MAGI2: variants seen among roughly 807,000 people sequenced by gnomAD.
MAGI2 encodes the protein membrane-associated guanylate kinase, WW and PDZ domain-containing protein 2.
A neutral mutation model predicts 133.3 loss-of-function variants in MAGI2; 35 were observed. The ratio of observed to expected loss-of-function variants is 0.26; its 90% CI spans 0.20 to 0.35. MAGI2 has a LOEUF of 0.35. Ranked by LOEUF, MAGI2 falls within the 10% of genes least tolerant of loss-of-function variation. The pLI, the probability that MAGI2 is intolerant of heterozygous loss-of-function variation, is 1.00. For missense variants in MAGI2, 1,636 were observed against 1,863.4 expected (o/e 0.88, Z 2.25); for synonymous variants, 729 against 710.6 (o/e 1.03, Z -0.41).
chr7:78,119,577 A>G (rs1271608555), intron 20 of MAGI2, among the ~76,000 whole-genome samples: 2 of 151,344 alleles, frequency 1.3e-5, no homozygotes, highest in East Asian at 1.9e-4. Context: ...AAAAAAAAAA[A>G]AAAAAAGAAT....
chr7:78,763,400 G>A lies in MAGI2; in HGVS notation c.419-136161C>T, dbSNP rs142516935. On this transcript the variant is annotated intron_variant, in intron 2 of 21. Coordinates refer to ENST00000354212, the MANE Select transcript of MAGI2 (RefSeq NM_012301.4). ...CTAGCCAATCCCAGCTTCTTTTCAC[G>A]TTTTCACTTTTGAAATAAAATAGGG... 2.9e-3 allele frequency among the ~76,000 whole-genome samples: 439 copies of A among 152,108 alleles called. 1 individual carries two copies. The highest frequency in any genetic ancestry group is 4.6e-3 in the Non-Finnish European group (313 of 67,970).
intron 1 of MAGI2, among the ~76,000 whole-genome samples, chr7:79,449,877 C>CAT (rs59881896): frequency 0.057 from 6,880 of 120,584 alleles, 292 homozygotes; most frequent in Middle Eastern, 0.08. Context: ...GAGATATATA[C>CAT]ATATATATAT....
chr7:78,925,726 C>T (rs1011614105), intron 2 of MAGI2, among the ~76,000 whole-genome samples: 3 of 151,762 alleles, frequency 2.0e-5, no homozygotes, highest in Non-Finnish European at 2.9e-5. Context: ...TTTTACCTTG[C>T]AAAATGTATT....
At chr7:78,365,903 A>G (rs1176012702) in intron 7 of MAGI2, among the ~76,000 whole-genome samples, 1 of 152,196 alleles carries the variant, frequency 6.6e-6, no homozygotes, top group Non-Finnish European at 1.5e-5. Context: ...TAGAGACATT[A>G]CACTGATTTC....
intron 1 of MAGI2, among the ~76,000 whole-genome samples, chr7:79,320,004 T>A (rs1839045458): frequency 6.6e-6 from 1 of 152,166 alleles, no homozygotes; most frequent in Non-Finnish European, 1.5e-5. Flanking sequence ...ATAGGTTAAG[T>A]AACAGAATTG....
chr7:78,495,832 A>T (rs1794040710), intron 5 of MAGI2, among the ~76,000 whole-genome samples: 1 of 152,164 alleles, frequency 6.6e-6, no homozygotes, highest in Non-Finnish European at 1.5e-5. Context: ...TTTGTCTAAA[A>T]CATTTATTTT....
At chr7:78,388,114 A>G (rs1795567709) in intron 6 of MAGI2, among the ~76,000 whole-genome samples, 1 of 152,206 alleles carries the variant, frequency 6.6e-6, no homozygotes, top group South Asian at 2.1e-4. Flanking sequence ...GGTCACACAA[A>G]TATGATCTGA....
At chr7:78,800,943 G>A (rs1325790614) in intron 2 of MAGI2, among the ~76,000 whole-genome samples, 1 of 152,066 alleles carries the variant, frequency 6.6e-6, no homozygotes, top group Non-Finnish European at 1.5e-5. Context: ...CATATTTAAA[G>A]AAATAAGAAT....
chr7:78,431,133 T>C (rs1799755929), intron 6 of MAGI2, among the ~76,000 whole-genome samples: 1 of 150,984 alleles, frequency 6.6e-6, no homozygotes, highest in Admixed American at 6.6e-5. Context: ...ACCTACTTGG[T>C]TTTTGAATAC....
At chr7:78,090,574 T>C (rs1004181219) in intron 20 of MAGI2, among the ~76,000 whole-genome samples, 3 of 152,220 alleles carry the variant, frequency 2.0e-5, no homozygotes, top group African/African-American at 7.2e-5. Flanking sequence ...AAGAGCTTCA[T>C]AAATATTTCT....
intron 2 of MAGI2, among the ~76,000 whole-genome samples, chr7:78,659,119 A>G (rs1438607284): frequency 1.3e-5 from 2 of 152,156 alleles, no homozygotes; most frequent in Non-Finnish European, 2.9e-5. Context: ...CATACCATGA[A>G]ATACTAATTA....
intron 2 of MAGI2, among the ~76,000 whole-genome samples, chr7:78,632,478 G>A (rs1337587236): frequency 6.6e-6 from 1 of 152,218 alleles, no homozygotes; most frequent in Non-Finnish European, 1.5e-5. Context: ...CTAAGTGGGA[G>A]ACTGCTGGAA....
At chr7:78,787,239 C>T (rs1386268129) in intron 2 of MAGI2, among the ~76,000 whole-genome samples, 4 of 152,142 alleles carry the variant, frequency 2.6e-5, no homozygotes, top group Non-Finnish European at 5.9e-5. Context: ...AGCCATTGCG[C>T]CTGGCCTCGA....
intron 1 of MAGI2, among the ~76,000 whole-genome samples, chr7:79,308,643 A>C (rs1838013267): frequency 6.6e-6 from 1 of 152,180 alleles, no homozygotes; most frequent in Non-Finnish European, 1.5e-5. Context: ...TAATTTGGAA[A>C]CATTTCTGGA....
chr7:78,538,166 A>G (rs542759334), intron 3 of MAGI2, among the ~76,000 whole-genome samples: 3 of 152,250 alleles, frequency 2.0e-5, no homozygotes, highest in East Asian at 3.9e-4. Flanking sequence ...TGGATTCTCT[A>G]TGCTGTTCCA....
At chr7:78,936,841 CT>C (rs1345896682) in intron 2 of MAGI2, among the ~76,000 whole-genome samples, 1 of 151,952 alleles carries the variant, frequency 6.6e-6, no homozygotes, top group Non-Finnish European at 1.5e-5. Context: ...TCAAAAGGAA[CT>C]GATGGTTTTT....
intron 2 of MAGI2, among the ~76,000 whole-genome samples, chr7:78,942,831 A>C (rs1315021940): frequency 6.6e-6 from 1 of 151,872 alleles, no homozygotes; most frequent in African/African-American, 2.4e-5. Flanking sequence ...AGAAGGGACC[A>C]TGTCTAAGTT....
At chr7:79,102,600 T>C (rs763981465) in intron 1 of MAGI2, among the ~76,000 whole-genome samples, 1 of 152,224 alleles carries the variant, frequency 6.6e-6, no homozygotes, top group African/African-American at 2.4e-5. Flanking sequence ...TCTATAAATT[T>C]TGCCTTTCTA....
At chr7:78,656,868 GAA>G (rs1032112214) in intron 2 of MAGI2, among the ~76,000 whole-genome samples, 1 of 151,288 alleles carries the variant, frequency 6.6e-6, no homozygotes, top group Non-Finnish European at 1.5e-5. Context: ...TCAAGAGGAT[GAA>G]AAGACAAGCC....
Sources: gnomAD v4.1 joint callset for allele counts (sites outside exome capture counted in the v4.1 genomes callset) on GRCh38, gnomAD v4.1.1 for gene constraint, MANE v1.5 for transcripts, NCBI Gene and HGNC (gene_info 2026-07-23, HGNC 2026-07-21) for gene names.